The following MAGI1 variants were observed in gnomAD, a reference collection of about 807,000 sequenced individuals.
The protein encoded by MAGI1 is membrane associated guanylate kinase, WW and PDZ domain containing 1, also known as membrane-associated guanylate kinase, WW and PDZ domain-containing protein 1.
In MAGI1, 58 loss-of-function variants were observed where a neutral mutation model predicts 139.9. That is an observed-to-expected ratio of 0.41 (90% CI 0.34 to 0.52). The LOEUF (loss-of-function observed/expected upper bound fraction) is 0.52. MAGI1 is among the 20% of genes least tolerant of loss of function. MAGI1 has a pLI of 0.12. For missense variants in MAGI1, 1,874 were observed against 1,901.6 expected (o/e 0.99, Z 0.27); for synonymous variants, 812 against 737.9 (o/e 1.10, Z -1.63).
chr3:65,546,513 C>G (rs538760641), intron 2 of MAGI1, among the ~76,000 whole-genome samples: 1 of 152,134 alleles, frequency 6.6e-6, no homozygotes, highest in Non-Finnish European at 1.5e-5. Context: ...GTTTAAAACA[C>G]GTTCATCTAT....
At chr3:65,848,422 T>A (rs569669836) in intron 1 of MAGI1, among the ~76,000 whole-genome samples, 3 of 152,246 alleles carry the variant, frequency 2.0e-5, no homozygotes, top group Non-Finnish European at 4.4e-5. Flanking sequence ...CACTTACTCC[T>A]GGCCCCATGG....
intron 1 of MAGI1, among the ~76,000 whole-genome samples, chr3:65,685,448 T>C (rs188636555): frequency 7.0e-4 from 107 of 152,338 alleles, no homozygotes; most frequent in Admixed American, 7.8e-4. Flanking sequence ...CTCTAATGAA[T>C]ATATCGTTTT....
intron 1 of MAGI1, among the ~76,000 whole-genome samples, chr3:65,759,137 T>C (rs1044484295): frequency 8.8e-5 from 13 of 148,094 alleles, no homozygotes; most frequent in Non-Finnish European, 1.0e-4. Flanking sequence ...ACTTATCTAG[T>C]GTCTCCCGAT....
intron 8 of MAGI1, among the ~76,000 whole-genome samples, chr3:65,440,476 A>T (rs1948205800): frequency 6.6e-6 from 1 of 152,142 alleles, no homozygotes; most frequent in Admixed American, 6.5e-5. Context: ...TTCAATAAGA[A>T]GTAGATTAAG....
chr3:65,359,320 C>CAACA (rs1364168871), intron 22 of MAGI1: 9 of 1,426,250 alleles, frequency 6.3e-6, no homozygotes, highest in Non-Finnish European at 8.2e-6. Context: ...CAGTCTAAGG[C>CAACA]AACACTCAAA....
intron 4 of MAGI1, among the ~76,000 whole-genome samples, chr3:65,477,711 A>ATTATTATTATTATTT (rs376492339): frequency 6.3e-4 from 89 of 141,608 alleles, no homozygotes; most frequent in African/African-American, 2.2e-3. Flanking sequence ...TATTATTATT[A>ATTATTATTATTATTT]TTTTTTTTTT....
intron 2 of MAGI1, among the ~76,000 whole-genome samples, chr3:65,576,818 T>C (rs143932762): frequency 5.4e-4 from 82 of 152,316 alleles, no homozygotes; most frequent in African/African-American, 1.8e-3. Context: ...AGGATTATTC[T>C]CTGAGCTTCA....
intron 12 of MAGI1, among the ~76,000 whole-genome samples, chr3:65,414,049 T>C (rs891094113): frequency 1.3e-5 from 2 of 152,258 alleles, no homozygotes; most frequent in East Asian, 3.9e-4. Context: ...GCTTTCTCTC[T>C]TGTCTGATTC....
At chr3:65,401,748 G>A (rs1559525600) in intron 12 of MAGI1, 6 of 1,436,674 alleles carry the variant, frequency 4.2e-6, no homozygotes, top group South Asian at 1.4e-5. Context: ...AGACCTCAGC[G>A]GCCTGGGAAA....
chr3:65,926,942 C>A (rs887936978), intron 1 of MAGI1, among the ~76,000 whole-genome samples: 2 of 152,160 alleles, frequency 1.3e-5, no homozygotes, highest in African/African-American at 4.8e-5. Context: ...TTGCAGTGAG[C>A]CGAGATTGCG....
At chr3:65,649,524 T>G (rs2107301689) in intron 1 of MAGI1, among the ~76,000 whole-genome samples, 1 of 152,330 alleles carries the variant, frequency 6.6e-6, no homozygotes, top group South Asian at 2.1e-4. Flanking sequence ...ACAACTTTTT[T>G]TCCTGCAATA....
chr3:65,440,150 GT>G, intron 8 of MAGI1, 138 bp from the exon 9 acceptor site: 1 of 935,798 alleles, frequency 1.1e-6, no homozygotes, highest in Non-Finnish European at 1.6e-6. Context: ...AAAATGCTCA[GT>G]TAGAAAGAGG....
chr3:65,438,900 T>C (rs866830357), intron 9 of MAGI1, among the ~76,000 whole-genome samples: 1 of 152,224 alleles, frequency 6.6e-6, no homozygotes, highest in Non-Finnish European at 1.5e-5. Flanking sequence ...AGATTGACTG[T>C]TTAAATCACG....
chr3:65,927,590 G>A (rs1199571575), intron 1 of MAGI1, among the ~76,000 whole-genome samples: 1 of 152,132 alleles, frequency 6.6e-6, no homozygotes, highest in African/African-American at 2.4e-5. Context: ...TGCTTCTGTA[G>A]GTTTTTTACA....
Position 65,447,713 on chromosome 3 carries a change from A to G in MAGI1, c.1078+309T>C, listed in dbSNP as rs548249256. On this transcript the variant is annotated intron_variant, in intron 7 of 22. Transcript: ENST00000402939. ...ATGCCAAAGTTCAAGGGACACAGCG[A>G]GCATCTCTTCGGTTCTTTCCCAATC... is the stretch of plus-strand genomic sequence containing the variant. 5.3e-5 allele frequency among the ~76,000 whole-genome samples: 8 copies of G among 152,362 alleles called. No homozygotes were observed. The East Asian group carries it at 1.5e-3, about 29-fold the overall frequency.
At chr3:65,777,425 C>A (rs1019615354) in intron 1 of MAGI1, among the ~76,000 whole-genome samples, 2 of 152,108 alleles carry the variant, frequency 1.3e-5, no homozygotes, top group Admixed American at 1.3e-4. Context: ...TTCATTATCA[C>A]CATTTTACTA....
At chr3:65,524,346 C>T (rs2078293078) in intron 2 of MAGI1, among the ~76,000 whole-genome samples, 1 of 152,188 alleles carries the variant, frequency 6.6e-6, no homozygotes, top group Admixed American at 6.5e-5. Context: ...TTCTAATCAG[C>T]AGCTCATAAA....
Position 65,812,470 on chromosome 3 carries a change from A to T in MAGI1, c.314-190382T>A, listed in dbSNP as rs576861360. Among the ~76,000 whole-genome samples the T allele has an allele frequency of 2.4e-3, 262 of 107,258 alleles. 1 individual carries two copies. Among genetic ancestry groups the T allele is most frequent in the South Asian group, 5.0e-3 (11 of 2,196 alleles). 70.4% of individuals were successfully genotyped at this position (107,258 alleles called of 152,430 possible). On this transcript the variant is annotated intron_variant, in intron 1 of 22. Coordinates refer to ENST00000402939, the MANE Select transcript of MAGI1 (RefSeq NM_001033057.2). Reference sequence around the variant, plus strand: ...TTCTCTCTCTCTCTCTCTCTCTCTCACACACACACACACACACACACTTCT... The same window carrying T: ...TTCTCTCTCTCTCTCTCTCTCTCTCTCACACACACACACACACACACTTCT...
intron 1 of MAGI1, among the ~76,000 whole-genome samples, chr3:65,970,831 T>C (rs1049627423): frequency 1.1e-4 from 16 of 152,162 alleles, no homozygotes; most frequent in African/African-American, 3.1e-4. Flanking sequence ...CAAGAGAACA[T>C]TGAAAGAATA....
Sources: gnomAD v4.1 joint callset for allele counts (sites outside exome capture counted in the v4.1 genomes callset) on GRCh38, gnomAD v4.1.1 for gene constraint, MANE v1.5 for transcripts, NCBI Gene and HGNC (gene_info 2026-07-23, HGNC 2026-07-21) for gene names.